TG: variants seen among roughly 807,000 people sequenced by gnomAD.
The protein encoded by TG is thyroglobulin, also known as thyroid hormones.
A neutral mutation model predicts 324.7 loss-of-function variants in TG; 270 were observed. The observed-to-expected ratio is 0.83, with a 90% confidence interval of 0.75 to 0.92. The LOEUF is 0.92. Ranked by LOEUF, TG falls within the 40% of genes least tolerant of loss-of-function variation. TG has a pLI of 0.00. For missense variants in TG, 3,591 were observed against 3,456.4 expected (o/e 1.04, Z -0.98); for synonymous variants, 1,401 against 1,327.0 (o/e 1.06, Z -1.21).
intron 35 of TG, among the ~76,000 whole-genome samples, chr8:132,983,943 C>T (rs1831213720): frequency 6.6e-6 from 1 of 152,320 alleles, no homozygotes; most frequent in South Asian, 2.1e-4. Flanking sequence ...TGCCCTTGCT[C>T]CTGCACATCC....
At chr8:132,914,779 G>A (rs1421397165) in intron 20 of TG, among the ~76,000 whole-genome samples, 1 of 152,166 alleles carries the variant, frequency 6.6e-6, no homozygotes, top group Non-Finnish European at 1.5e-5. Flanking sequence ...CCCAAACCAA[G>A]GGGACAAGAA....
Position 132,949,632 on chromosome 8 carries a change from G to T in TG, c.5401+689G>T, listed in dbSNP as rs144277726. On this transcript the variant is annotated intron_variant, in intron 27 of 47. Transcript: ENST00000220616. ...TTTACCAATTGTACTGCCCACTCTA[G>T]TGATGGGTGCAGGGGACCATGGGCT... 8.7e-4 allele frequency among the ~76,000 whole-genome samples: 133 copies of T among 152,312 alleles called. 2 individuals carry two copies. Among genetic ancestry groups the T allele is most frequent in the African/African-American group, 3.1e-3 (130 of 41,568 alleles).
Position 132,913,127 on chromosome 8 carries a change from T to C in TG, c.4240T>C (p.Ser1414Pro), listed in dbSNP as rs369573219. The change falls in exon 20 of 48, where the codon TCC (serine) becomes CCC (proline). Residue 1414 changes from serine (S) to proline (P), a missense_variant. By Grantham distance (74) the Ser-to-Pro change is moderately conservative. Coordinates refer to ENST00000220616, the MANE Select transcript of TG (RefSeq NM_003235.5). ...QSGSFQLHLD[S>P]KTFPAETIRF... ...TGGCTCATTCCAGCTTCATCTGGACTCCAAGACGTTCCCAGCGGAAACCAT... is the reference window on the plus strand; with the variant it reads ...TGGCTCATTCCAGCTTCATCTGGACCCCAAGACGTTCCCAGCGGAAACCAT... 4.3e-6 allele frequency: 7 copies of C among 1,614,058 alleles called. No homozygotes were observed. The highest frequency in any genetic ancestry group is 2.7e-5 in the African/African-American group (2 of 74,928).
intron 41 of TG, among the ~76,000 whole-genome samples, chr8:133,085,356 A>G (rs774084680): frequency 4.3e-4 from 66 of 152,244 alleles, no homozygotes; most frequent in Non-Finnish European, 2.4e-4. Context: ...GATACATCGG[A>G]TTTCATCACA....
chr8:133,092,454 C>T (rs993580490), intron 41 of TG, among the ~76,000 whole-genome samples: 5 of 152,230 alleles, frequency 3.3e-5, no homozygotes, highest in African/African-American at 1.2e-4. Context: ...GACCTACAGG[C>T]ATGGCTGGGT....
chr8:132,960,267 T>G (rs1226397494), intron 27 of TG, among the ~76,000 whole-genome samples: 2 of 152,232 alleles, frequency 1.3e-5, no homozygotes, highest in Non-Finnish European at 2.9e-5. Flanking sequence ...AAACAAAATT[T>G]GATCATATCT....
chr8:133,056,701 T>C (rs1319948378), intron 41 of TG, among the ~76,000 whole-genome samples: 1 of 152,204 alleles, frequency 6.6e-6, no homozygotes, highest in Non-Finnish European at 1.5e-5. Flanking sequence ...AGTCTGCATA[T>C]GTAAAGCACT....
intron 41 of TG, among the ~76,000 whole-genome samples, chr8:133,056,991 A>T (rs1422687467): frequency 1.3e-5 from 2 of 152,148 alleles, no homozygotes; most frequent in East Asian, 3.9e-4. Context: ...GTTACTTCCC[A>T]GGGGATTCTG....
intron 41 of TG, among the ~76,000 whole-genome samples, chr8:133,087,439 G>C (rs543435679): frequency 1.3e-5 from 2 of 152,060 alleles, no homozygotes; most frequent in African/African-American, 4.8e-5. Context: ...CCTCCCTCGG[G>C]GTGTGAGGGG....
At chr8:132,878,694 C>T (rs995751442) in intron 5 of TG, among the ~76,000 whole-genome samples, 1 of 152,090 alleles carries the variant, frequency 6.6e-6, no homozygotes, top group East Asian at 1.9e-4. Flanking sequence ...GCATTCTCTA[C>T]CAGACTTGTA....
intron 41 of TG, among the ~76,000 whole-genome samples, chr8:133,057,784 A>AAC (rs1043526240): frequency 6.6e-5 from 10 of 152,050 alleles, no homozygotes; most frequent in African/African-American, 1.2e-4. Flanking sequence ...CAAAAAAAAA[A>AAC]AAACAAAAAA....
At position 132,933,954 on chromosome 8, in the gene TG, T is replaced by C. The variant is rs4361742; in HGVS notation, c.4932+278T>C. ...GAGAACCACCTGCCCCATCAGGCAG[T>C]GTGGGCAAGATGTGAGGGGGCCCTA... On this transcript the variant is annotated intron_variant, in intron 24 of 47. Transcript: ENST00000220616. Among the ~76,000 whole-genome samples, 78,337 of 151,924 alleles carry C rather than the reference T, an allele frequency of 0.52. 21,710 individuals carry two copies. The highest frequency in any genetic ancestry group is 0.61 in the Non-Finnish European group (41,591 of 67,930).
At chr8:132,990,531 G>C (rs7844649) in intron 35 of TG, among the ~76,000 whole-genome samples, 1 of 148,948 alleles carries the variant, frequency 6.7e-6, no homozygotes. Context: ...CATTTTTCCC[G>C]TCCCCCTGGA....
rs118182928 is a variant in TG, at chr8:132,872,827, T to C, written c.479-235T>C. On this transcript the variant is annotated intron_variant, in intron 4 of 47. Coordinates refer to ENST00000220616, the MANE Select transcript of TG (RefSeq NM_003235.5). ...GTACTCATTACAATAACATGCTGTATAGGTTTGTAGCCTGGGAGCACTAGG... is the reference window on the plus strand; with the variant it reads ...GTACTCATTACAATAACATGCTGTACAGGTTTGTAGCCTGGGAGCACTAGG... Among the ~76,000 whole-genome samples, 1,382 of 152,310 alleles carry C rather than the reference T, an allele frequency of 9.1e-3. 40 individuals are homozygous for C. The highest frequency in any genetic ancestry group is 0.087 in the East Asian group (450 of 5,174).
At chr8:132,890,902 G>T (rs79809228) in intron 10 of TG, among the ~76,000 whole-genome samples, 5,364 of 152,168 alleles carry the variant, frequency 0.035, 216 homozygotes, top group African/African-American at 0.092. Context: ...AATTTTGCTT[G>T]CTTTATTTAA....
At chr8:132,925,144 A>C (rs1821657913) in intron 22 of TG, among the ~76,000 whole-genome samples, 1 of 152,234 alleles carries the variant, frequency 6.6e-6, no homozygotes, top group Non-Finnish European at 1.5e-5. Flanking sequence ...AATCCATGGT[A>C]GTCCTAAAAG....
intron 41 of TG, chr8:133,059,303 A>G (rs967177976): frequency 8.2e-6 from 3 of 364,324 alleles, no homozygotes; most frequent in Non-Finnish European, 1.6e-5. Context: ...AAGACCCCAC[A>G]ATATGAGAAT....
At chr8:132,901,193 T>C (rs1303636552) in intron 15 of TG, among the ~76,000 whole-genome samples, 160 bp from the exon 16 acceptor site, 1 of 152,232 alleles carries the variant, frequency 6.6e-6, no homozygotes, top group African/African-American at 2.4e-5. Flanking sequence ...GTTTGCCTTG[T>C]TGTCATTCAA....
At chr8:132,995,449 C>T in intron 35 of TG, 1 of 985,350 alleles carries the variant, frequency 1.0e-6, no homozygotes, top group African/African-American at 1.7e-5. Context: ...AAGTTCCCTA[C>T]AGTTCACCCA....
Sources: gnomAD v4.1 joint callset for allele counts (sites outside exome capture counted in the v4.1 genomes callset) on GRCh38, gnomAD v4.1.1 for gene constraint, MANE v1.5 for transcripts, NCBI Gene and HGNC (gene_info 2026-07-23, HGNC 2026-07-21) for gene names.